Variants in IL3 observed in about 807,000 individuals in gnomAD.
IL3 encodes the protein interleukin-3.
A neutral mutation model predicts 15.4 loss-of-function variants in IL3; 15 were observed. The ratio of observed to expected loss-of-function variants is 0.97; its 90% CI spans 0.65 to 1.50. The LOEUF (loss-of-function observed/expected upper bound fraction) is 1.50, where lower values mean the gene tolerates loss of function less well. Among genes scored for constraint, IL3 ranks in the 40% most tolerant of loss-of-function variants. The probability of loss-of-function intolerance (pLI) is 0.00; values close to 1 mark genes in which losing one functional copy is unlikely to be tolerated. For synonymous variants in IL3, 74 were observed against 79.3 expected (o/e 0.93, Z 0.36); for missense variants, 162 against 192.2 (o/e 0.84, Z 0.93).
rs2069786 is a variant in IL3, at chr5:132,060,697, C to T, written c.-10C>T. 3.2e-5 allele frequency: 51 copies of T among 1,612,456 alleles called. No individual in the cohort carries two copies. The African/African-American group carries it at 4.5e-4, about 14-fold the overall frequency. ...CAGAACAAGACAGAGTGCCTCCTGC[C>T]GATCCAAACATGAGCCGCCTGCCCG... On this transcript the variant is annotated 5_prime_UTR_variant, in exon 1 of 5. Transcript: ENST00000296870.
intron 2 of IL3, among the ~76,000 whole-genome samples, chr5:132,062,014 G>A (rs551661711): frequency 6.6e-6 from 1 of 152,192 alleles, no homozygotes; most frequent in East Asian, 1.9e-4. Flanking sequence ...TGCCTGCCTC[G>A]GCCTCCCAAA....
rs781087044 is a variant in IL3, at chr5:132,062,752, G to C, written c.420G>C (p.Ala140=). ...LTFYLKTLEN[A]QAQQTTLSLA... is the part of the protein sequence containing the mutation. ...TCTATCTGAAAACCCTTGAGAATGC[G>C]CAGGCTCAACAGACGACTTTGAGCC... is the stretch of plus-strand genomic sequence containing the variant. Residue 140 remains alanine, a synonymous_variant, in exon 5 of 5, where the codon GCG becomes GCC. Coordinates refer to ENST00000296870, the MANE Select transcript of IL3 (RefSeq NM_000588.4). 1.9e-6 allele frequency: 3 copies of C among 1,613,998 alleles called. No homozygotes were observed. In the African/African-American group the frequency reaches 4.0e-5, roughly 22 times the overall value.
At chr5:132,061,069 T>C (rs1477012574) in intron 2 of IL3, 61 bp downstream of exon 2, 1 of 1,491,454 alleles carries the variant, frequency 6.7e-7, no homozygotes, top group African/African-American at 1.4e-5. Flanking sequence ...AGCCATGTCA[T>C]TCCATCTTAC....
chr5:132,062,515 T>C lies in IL3; in HGVS notation c.295-11T>C, dbSNP rs368704555. 14 of 1,614,192 alleles carry C rather than the reference T, an allele frequency of 8.7e-6. No individual in the cohort carries two copies. The African/African-American group carries it at 1.6e-4, about 18-fold the overall frequency. On this transcript the variant is annotated splice_polypyrimidine_tract_variant and intron_variant, in intron 3 of 4. Coordinates refer to ENST00000296870, the MANE Select transcript of IL3 (RefSeq NM_000588.4). ...GAATCTCTGACCATCTGCTTTGGTC[T>C]CTTTCCACAGAATCTCCTGCCATGT... is the stretch of plus-strand genomic sequence containing the variant.
chr5:132,062,842 C>A lies in IL3; in HGVS notation c.*51C>A. 1 of 1,569,532 alleles carries A rather than the reference C, an allele frequency of 6.4e-7. No homozygotes were observed. The highest frequency in any genetic ancestry group is 1.4e-5 in the African/African-American group (1 of 73,216). ...GCCTTCTCACCACAGAGCCTCGGGA[C>A]ATCAAAAACAGCAGAACTTCTGAAA... On this transcript the variant is annotated 3_prime_UTR_variant, in exon 5 of 5. Coordinates refer to ENST00000296870, the MANE Select transcript of IL3 (RefSeq NM_000588.4).
At position 132,061,397 on chromosome 5, in the gene IL3, C is replaced by CCCTCATTAATG. The variant is rs1252508648; in HGVS notation, c.204+396_204+397insAATGCCTCATT. Among the ~76,000 whole-genome samples, 71 of 152,310 alleles carry CCCTCATTAATG rather than the reference C, an allele frequency of 4.7e-4. 1 individual carries two copies. Among genetic ancestry groups the CCCTCATTAATG allele is most frequent in the Non-Finnish European group, 2.5e-4 (17 of 68,020 alleles). ...TAAAAAATTGAGTTTGTGTTTTCCA[C>CCCTCATTAATG]CCTCATTGGCTGTGGCATTATCATT... On this transcript the variant is annotated intron_variant, in intron 2 of 4. Transcript: ENST00000296870.
Position 132,060,779 on chromosome 5 carries a change from A to G in IL3, c.73A>G (p.Thr25Ala). The change falls in exon 1 of 5, where the codon ACA becomes GCA. Residue 25 changes from threonine to alanine, a missense_variant. Coordinates refer to ENST00000296870, the MANE Select transcript of IL3 (RefSeq NM_000588.4). ...RPGLQAPMTQ[T>A]TPLKTSWVNC... Reference sequence around the variant, plus strand: ...CGGACTCCAAGCTCCCATGACCCAGACAACGCCCTTGAAGACAAGCTGGGT... The same window carrying G: ...CGGACTCCAAGCTCCCATGACCCAGGCAACGCCCTTGAAGACAAGCTGGGT... 6.2e-7 allele frequency: 1 copy of G among 1,614,212 alleles called. No homozygotes were observed. Among genetic ancestry groups the G allele is most frequent in the East Asian group, 2.2e-5 (1 of 44,876 alleles).
At chr5:132,061,102 T>C in intron 2 of IL3, 94 bp downstream of exon 2, 1 of 1,123,472 alleles carries the variant, frequency 8.9e-7, no homozygotes, top group Non-Finnish European at 1.3e-6. Context: ...TCTTCATCTG[T>C]AAAATAGGGT....
rs147403014 is a variant in IL3, at chr5:132,060,821, A to G, written c.115A>G (p.Ile39Val). Residue 39 changes from isoleucine (I) to valine (V), a missense_variant, in exon 1 of 5, where the codon ATC becomes GTC. Coordinates refer to ENST00000296870, the MANE Select transcript of IL3 (RefSeq NM_000588.4). ...KTSWVNCSNM[I>V]DEIITHLKQP... is the part of the protein sequence containing the mutation. ...AAGCTGGGTTAACTGCTCTAACATG[A>G]TCGATGAAATTATAACACACTTAAA... 1 of 1,614,224 alleles carries G rather than the reference A, an allele frequency of 6.2e-7. No individual in the cohort carries two copies. The highest frequency in any genetic ancestry group is 8.5e-7 in the Non-Finnish European group (1 of 1,180,040).
In IL3 at chr5:132,062,951, T is replaced by C. The variant is rs1174991385; in HGVS notation, c.*160T>C. On this transcript the variant is annotated 3_prime_UTR_variant, in exon 5 of 5. Coordinates refer to ENST00000296870, the MANE Select transcript of IL3 (RefSeq NM_000588.4). ...ATCAGATGAATTGTTAATTATCTAA[T>C]TTCTGAAATGTGCAGCTCCCATTTG... is the stretch of plus-strand genomic sequence containing the variant. 1 of 1,006,516 alleles carries C rather than the reference T, an allele frequency of 9.9e-7. No homozygotes were observed. Among genetic ancestry groups the C allele is most frequent in the Non-Finnish European group, 1.4e-6 (1 of 710,186 alleles). 62.3% of individuals were successfully genotyped at this position (1,006,516 alleles called of 1,614,324 possible). A position where few individuals can be genotyped will look rare whatever the true frequency, so the allele number is the denominator to read the frequency against.
At position 132,062,740 on chromosome 5, in the gene IL3, C is replaced by G. The variant is rs753056654; in HGVS notation, c.408C>G (p.Thr136=). 1.3e-5 allele frequency: 21 copies of G among 1,614,124 alleles called. No individual in the cohort carries two copies. Among genetic ancestry groups the G allele is most frequent in the South Asian group, 5.5e-5 (5 of 91,080 alleles). Residue 136 remains threonine (T), a synonymous_variant, in exon 5 of 5, where the codon ACC becomes ACG. Coordinates refer to ENST00000296870, the MANE Select transcript of IL3 (RefSeq NM_000588.4). ...GGAAACTGACGTTCTATCTGAAAACCCTTGAGAATGCGCAGGCTCAACAGA... is the reference window on the plus strand; with the variant it reads ...GGAAACTGACGTTCTATCTGAAAACGCTTGAGAATGCGCAGGCTCAACAGA... ...FRRKLTFYLK[T]LENAQAQQTT...
rs1201752027 is a variant in IL3 at position 132,063,009 on chromosome 5, A to G, written c.*218A>G. 5.5e-6 allele frequency: 3 copies of G among 548,948 alleles called. No homozygotes were observed. The highest frequency in any genetic ancestry group is 4.9e-4 in the Middle Eastern group (1 of 2,040). 34.0% of individuals were successfully genotyped at this position (548,948 alleles called of 1,614,324 possible). A position where few individuals can be genotyped will look rare whatever the true frequency, so the allele number is the denominator to read the frequency against. On this transcript the variant is annotated 3_prime_UTR_variant, in exon 5 of 5. Transcript: ENST00000296870. ...GCGGTTGTGTTCTCATTTTTATCCC[A>G]TTGAGACTATTTATTTATGTATGTA...
At position 132,062,537 on chromosome 5, in the gene IL3, A is replaced by G. The variant is rs553264004; in HGVS notation, c.306A>G (p.Pro102=). The change falls in exon 4 of 5, where the codon CCA becomes CCG. Residue 102 remains proline, a synonymous_variant. Transcript: ENST00000296870. ...AIESILKNLL[P]CLPLATAAPT... ...GTCTCTTTCCACAGAATCTCCTGCC[A>G]TGTCTGCCCCTGGCCACGGCCGCAC... The G allele has an allele frequency of 6.2e-7, 1 of 1,614,106 alleles. No individual in the cohort carries two copies. The highest frequency in any genetic ancestry group is 8.5e-7 in the Non-Finnish European group (1 of 1,180,014).
At chr5:132,062,032 G>C (rs1051068170) in intron 2 of IL3, among the ~76,000 whole-genome samples, 1 of 152,238 alleles carries the variant, frequency 6.6e-6, no homozygotes, top group Admixed American at 6.5e-5. Flanking sequence ...AAAGTGCTGG[G>C]ATTACAGGCT....
At chr5:132,061,469 A>G (rs1756476473) in intron 2 of IL3, among the ~76,000 whole-genome samples, 1 of 152,050 alleles carries the variant, frequency 6.6e-6, no homozygotes, top group African/African-American at 2.4e-5. Flanking sequence ...GTTCTGTCTC[A>G]CCTTTGCATG....
rs762471596 is a variant in IL3, at chr5:132,060,907, G to A, written c.162+39G>A. The stretch of plus-strand genomic sequence containing the variant: ...ATAAGACTGGCCTGCAGCAGTGAGG[G>A]GTGGTGGCTGCCTAAGGCCAAAAGG... On this transcript the variant is annotated intron_variant, in intron 1 of 4. Transcript: ENST00000296870. 2.5e-6 allele frequency: 4 copies of A among 1,610,292 alleles called. No homozygotes were observed. The South Asian group carries it at 3.3e-5, about 13-fold the overall frequency.
Position 132,062,889 on chromosome 5 carries a change from A to G in IL3, c.*98A>G. ...GAAACCTCTGGGTCATCTCTCACACATTCCAGGACCAGAAGCATTTCACCT... is the reference window on the plus strand; with the variant it reads ...GAAACCTCTGGGTCATCTCTCACACGTTCCAGGACCAGAAGCATTTCACCT... On this transcript the variant is annotated 3_prime_UTR_variant, in exon 5 of 5. Transcript: ENST00000296870. The G allele has an allele frequency of 1.4e-6, 2 of 1,456,570 alleles. No homozygotes were observed. The highest frequency in any genetic ancestry group is 2.8e-5 in the African/African-American group (2 of 70,680). 90.2% of individuals were successfully genotyped at this position (1,456,570 alleles called of 1,614,324 possible).
Position 132,060,750 on chromosome 5 carries a change from G to A in IL3, c.44G>A (p.Arg15His), listed in dbSNP as rs2069787. 7 of 1,613,702 alleles carry A rather than the reference G, an allele frequency of 4.3e-6. No individual in the cohort carries two copies. Among genetic ancestry groups the A allele is most frequent in the African/African-American group, 2.7e-5 (2 of 74,910 alleles). The change falls in exon 1 of 5, where the codon CGC (arginine) becomes CAC (histidine). Residue 15 changes from arginine (R) to histidine (H), a missense_variant. Transcript: ENST00000296870. ...CTGCTCCTGCTCCAACTCCTGGTCC[G>A]CCCCGGACTCCAAGCTCCCATGACC... ...PVLLLLQLLV[R>H]PGLQAPMTQT...
chr5:132,061,119 C>A, intron 2 of IL3, 111 bp downstream of exon 2: 1 of 910,796 alleles, frequency 1.1e-6, no homozygotes, highest in Non-Finnish European at 1.7e-6. Context: ...GGGTTAATAG[C>A]ACCTATCTCA....
Sources: allele counts gnomAD v4.1 joint callset (sites outside exome capture counted in the v4.1 genomes callset), GRCh38; gene constraint gnomAD v4.1.1; transcripts MANE v1.5; gene names NCBI Gene and HGNC (gene_info 2026-07-23, HGNC 2026-07-21).